FBXL7: variants seen among roughly 807,000 people sequenced by gnomAD.
The protein encoded by FBXL7 is F-box/LRR-repeat protein 7.
A neutral mutation model predicts 38.3 loss-of-function variants in FBXL7; 12 were observed. That is an observed-to-expected ratio of 0.31 (90% confidence interval 0.20 to 0.51). The LOEUF (loss-of-function observed/expected upper bound fraction) is 0.51, where lower values mean the gene tolerates loss of function less well. FBXL7 is among the 20% of genes least tolerant of loss of function. The pLI, the probability that FBXL7 is intolerant of heterozygous loss-of-function variation, is 0.98. For synonymous variants in FBXL7, 297 were observed against 300.9 expected (o/e 0.99, Z 0.13); for missense variants, 567 against 676.4 (o/e 0.84, Z 1.79).
intron 2 of FBXL7, among the ~76,000 whole-genome samples, chr5:15,618,245 A>G (rs1382389406): frequency 1.3e-5 from 2 of 152,244 alleles, no homozygotes; most frequent in African/African-American, 4.8e-5. Flanking sequence ...TTATGTTCAT[A>G]TGGAAGAGTT....
chr5:15,773,251 G>C (rs1028137354), intron 2 of FBXL7, among the ~76,000 whole-genome samples: 3 of 152,128 alleles, frequency 2.0e-5, no homozygotes, highest in African/African-American at 7.2e-5. Context: ...AGAAAGGAAA[G>C]GCCCAGTTAA....
At chr5:15,717,172 C>T (rs78918855) in intron 2 of FBXL7, among the ~76,000 whole-genome samples, 8,058 of 152,114 alleles carry the variant, frequency 0.053, 230 homozygotes, top group East Asian at 0.084. Flanking sequence ...AAGTATTTGC[C>T]GGGGAAGGTC....
chr5:15,871,928 T>C (rs1325277930), intron 2 of FBXL7, among the ~76,000 whole-genome samples: 1 of 152,076 alleles, frequency 6.6e-6, no homozygotes, highest in African/African-American at 2.4e-5. Context: ...ATTTATGAAA[T>C]ACAGAGAACA....
chr5:15,807,527 G>T (rs544399669), intron 2 of FBXL7, among the ~76,000 whole-genome samples: 1 of 152,140 alleles, frequency 6.6e-6, no homozygotes, highest in African/African-American at 2.4e-5. Context: ...CATGATAATG[G>T]TATGTAGGTC....
intron 2 of FBXL7, among the ~76,000 whole-genome samples, chr5:15,833,043 T>A (rs1338199679): frequency 6.6e-6 from 1 of 152,196 alleles, no homozygotes; most frequent in African/African-American, 2.4e-5. Context: ...ATATGAGACA[T>A]GGCTTTCACC....
rs2126337484 is a variant in FBXL7 at position 15,500,611 on chromosome 5, G to T, written c.-66G>T. On this transcript the variant is annotated 5_prime_UTR_variant, in exon 1 of 4. Coordinates refer to ENST00000504595, the MANE Select transcript of FBXL7 (RefSeq NM_012304.5). ...CCGTCGGGCGGGCTTTCCTCGGGCCGAGCGCGCAGGACGTGCGCCGCAGCT... is the reference window on the plus strand; with the variant it reads ...CCGTCGGGCGGGCTTTCCTCGGGCCTAGCGCGCAGGACGTGCGCCGCAGCT... 2 of 1,609,076 alleles carry T rather than the reference G, an allele frequency of 1.2e-6. No homozygotes were observed. Among genetic ancestry groups the T allele is most frequent in the East Asian group, 2.2e-5 (1 of 44,694 alleles).
chr5:15,747,568 T>C (rs1473061238), intron 2 of FBXL7, among the ~76,000 whole-genome samples: 5 of 152,238 alleles, frequency 3.3e-5, no homozygotes, highest in African/African-American at 1.2e-4. Context: ...GTAGCTATTA[T>C]TTCAGCCAAC....
rs749061603 is a variant in FBXL7 at position 15,938,208 on chromosome 5, C to G, written c.*1022C>G. The G allele has an allele frequency of 2.0e-5, 3 of 152,206 alleles. No individual in the cohort carries two copies. Among genetic ancestry groups the G allele is most frequent in the Non-Finnish European group, 4.4e-5 (3 of 68,074 alleles). The allele number at this position is 152,206 out of a possible 1,614,324, so 9.4% of individuals were successfully genotyped here. A position where few individuals can be genotyped will look rare whatever the true frequency, so the allele number is the denominator to read the frequency against. On this transcript the variant is annotated 3_prime_UTR_variant, in exon 4 of 4. Transcript: ENST00000504595. Reference sequence around the variant, plus strand: ...CCTCCACACCATCCTAGCGAGGCACCAGCACACCTAATCACAGCAAAGCCC... The same window carrying G: ...CCTCCACACCATCCTAGCGAGGCACGAGCACACCTAATCACAGCAAAGCCC...
intron 2 of FBXL7, among the ~76,000 whole-genome samples, chr5:15,899,066 T>C (rs1741173334): frequency 6.6e-6 from 1 of 151,878 alleles, no homozygotes; most frequent in Non-Finnish European, 1.5e-5. Flanking sequence ...CATTACAAAA[T>C]ATATATATAT....
intron 2 of FBXL7, among the ~76,000 whole-genome samples, chr5:15,771,913 G>A (rs148024159): frequency 7.2e-4 from 109 of 151,548 alleles, no homozygotes; most frequent in African/African-American, 1.9e-3. Flanking sequence ...TATTACAGGC[G>A]TGTGCCACCA....
At chr5:15,504,101 A>C (rs1736576709) in intron 1 of FBXL7, among the ~76,000 whole-genome samples, 1 of 152,252 alleles carries the variant, frequency 6.6e-6, no homozygotes, top group African/African-American at 2.4e-5. Context: ...CGTGCATGTT[A>C]AAGTTGAGAG....
At chr5:15,809,681 A>G (rs1737807229) in intron 2 of FBXL7, among the ~76,000 whole-genome samples, 1 of 152,208 alleles carries the variant, frequency 6.6e-6, no homozygotes, top group African/African-American at 2.4e-5. Flanking sequence ...ACATTTTGAT[A>G]GACCAGTGAT....
intron 2 of FBXL7, among the ~76,000 whole-genome samples, chr5:15,616,475 G>C (rs1740457660): frequency 6.6e-6 from 1 of 152,128 alleles, no homozygotes; most frequent in Admixed American, 6.5e-5. Context: ...TTTGACAGTG[G>C]CAATATCATA....
chr5:15,531,729 C>T (rs1417510896), intron 1 of FBXL7, among the ~76,000 whole-genome samples: 1 of 152,200 alleles, frequency 6.6e-6, no homozygotes, highest in Non-Finnish European at 1.5e-5. Flanking sequence ...TTTAATTACA[C>T]ATTCAGCTTA....
At chr5:15,805,658 A>G (rs1737691448) in intron 2 of FBXL7, among the ~76,000 whole-genome samples, 1 of 152,138 alleles carries the variant, frequency 6.6e-6, no homozygotes, top group Non-Finnish European at 1.5e-5. Context: ...TTCAACCCCT[A>G]AGGTCACTGA....
chr5:15,786,578 G>A lies in FBXL7; in HGVS notation c.128-141312G>A, dbSNP rs150853313. On this transcript the variant is annotated intron_variant, in intron 2 of 3. Coordinates refer to ENST00000504595, the MANE Select transcript of FBXL7 (RefSeq NM_012304.5). ...ATTCAATGTAGAATAAAGTAAATTG[G>A]CAGAAATGTAATAGTACACCAGGGA... Among the ~76,000 whole-genome samples the A allele has an allele frequency of 5.7e-3, 864 of 152,234 alleles. 7 individuals are homozygous for A. Among genetic ancestry groups the A allele is most frequent in the African/African-American group, 0.02 (816 of 41,530 alleles).
chr5:15,818,739 TGTGTGAGA>T (rs1269136383), intron 2 of FBXL7, among the ~76,000 whole-genome samples: 204 of 108,156 alleles, frequency 1.9e-3, no homozygotes, highest in South Asian at 0.012. Context: ...TGTGTGTGTG[TGTGTGAGA>T]GAGAGAGAGA....
intron 2 of FBXL7, among the ~76,000 whole-genome samples, chr5:15,630,695 C>G (rs1310720361): frequency 6.6e-6 from 1 of 152,122 alleles, no homozygotes; most frequent in African/African-American, 2.4e-5. Flanking sequence ...TGTATTGGAA[C>G]TGGACAGGAC....
chr5:15,525,328 G>T (rs1222793042), intron 1 of FBXL7, among the ~76,000 whole-genome samples: 1 of 152,036 alleles, frequency 6.6e-6, no homozygotes, highest in East Asian at 1.9e-4. Context: ...ATCTTTTTCT[G>T]TTTCATATAG....
Sources: allele counts gnomAD v4.1 joint callset (sites outside exome capture counted in the v4.1 genomes callset), GRCh38; gene constraint gnomAD v4.1.1; transcripts MANE v1.5; gene names NCBI Gene and HGNC (gene_info 2026-07-23, HGNC 2026-07-21).